Variants in IL13RA1 observed in about 807,000 individuals in gnomAD.
IL13RA1 encodes interleukin 13 receptor subunit alpha 1, also known as interleukin-13 receptor subunit alpha-1.
IL13RA1 carries 14 observed loss-of-function variants against 33.8 expected under a neutral mutation model. The ratio of observed to expected loss-of-function variants is 0.41; its 90% confidence interval spans 0.27 to 0.65. The LOEUF (loss-of-function observed/expected upper bound fraction) is 0.65. Among genes scored for constraint, IL13RA1 ranks in the 30% least tolerant of loss-of-function variants. The pLI is 0.28. For missense variants in IL13RA1, 313 were observed against 327.0 expected (o/e 0.96, Z 0.33); for synonymous variants, 116 against 115.7 (o/e 1.00, Z -0.02).
chrX:118,802,400 A>G, the IL13RA1 span, among the ~76,000 whole-genome samples: 1,340 of 112,437 alleles, frequency 0.012, 30 homozygotes, highest in African/African-American at 0.04. Context: ...TGTTAAAGCT[A>G]TGTGACATGG....
chrX:118,766,687 G>A, intron 7 of IL13RA1, 110 bp downstream of exon 7: 2 of 593,366 alleles, frequency 3.4e-6, no homozygotes, highest in Non-Finnish European at 5.5e-6. Flanking sequence ...TGTTCCGTGA[G>A]TTATTGACAA....
intron 8 of IL13RA1, chrX:118,770,602 C>T (rs779327969): frequency 2.1e-6 from 1 of 470,623 alleles, no homozygotes; most frequent in East Asian, 5.3e-5. Context: ...CGGGCACATC[C>T]GCCAGGGCAA....
chrX:118,782,219 C>T (rs752712480), intron 10 of IL13RA1, among the ~76,000 whole-genome samples: 21 of 111,403 alleles, frequency 1.9e-4, no homozygotes, highest in Non-Finnish European at 3.4e-4. Flanking sequence ...ACTATAGTCA[C>T]GTGCCACCAC....
chrX:118,801,012 A>G, the IL13RA1 span, among the ~76,000 whole-genome samples: 1 of 109,851 alleles, frequency 9.1e-6, no homozygotes, highest in Non-Finnish European at 1.9e-5. Context: ...CTGATGTTGA[A>G]CTCCTGGGCT....
At chrX:118,746,807 A>G in intron 2 of IL13RA1, 147 bp from the exon 3 acceptor site, 1 of 429,434 alleles carries the variant, frequency 2.3e-6, no homozygotes, top group Non-Finnish European at 4.1e-6. Context: ...GGTAGGGAGA[A>G]CAAAATCAGC....
At chrX:118,750,264 C>T (rs1056866918) in intron 4 of IL13RA1, among the ~76,000 whole-genome samples, 1 of 111,115 alleles carries the variant, frequency 9.0e-6, no homozygotes, top group African/African-American at 3.3e-5. Context: ...TCTCCTTGTA[C>T]ACCCCTCTCC....
At chrX:118,765,503 C>T (rs1021524286) in intron 6 of IL13RA1, among the ~76,000 whole-genome samples, 10 of 111,794 alleles carry the variant, frequency 8.9e-5, no homozygotes, top group African/African-American at 1.3e-4. Context: ...GTAGATGGCA[C>T]GTTCTCACTA....
intron 10 of IL13RA1, among the ~76,000 whole-genome samples, chrX:118,790,730 C>G (rs2017966276): frequency 8.9e-6 from 1 of 111,811 alleles, no homozygotes; most frequent in African/African-American, 3.2e-5. Flanking sequence ...ATATTTTGAG[C>G]AGTGTTTCCC....
chrX:118,754,562 G>A (rs972307229), intron 4 of IL13RA1, among the ~76,000 whole-genome samples: 8 of 109,552 alleles, frequency 7.3e-5, no homozygotes, highest in East Asian at 2.9e-4. Flanking sequence ...GTGTGAACCC[G>A]GGAGGCGGAG....
intron 1 of IL13RA1, 123 bp downstream of exon 1, chrX:118,727,849 T>A: frequency 3.7e-6 from 1 of 269,957 alleles, no homozygotes. Context: ...TGCTGGGGGC[T>A]GCCCTCGCGA....
In IL13RA1 at chrX:118,727,691, G is replaced by A; in HGVS notation, c.53G>A (p.Gly18Asp). Residue 18 changes from glycine (G) to aspartate (D), a missense_variant, in exon 1 of 11, where the codon GGC (glycine) becomes GAC (aspartate). Gly to Asp is a moderately conservative substitution (Grantham distance 94). Transcript: ENST00000371666. ...CGLWALLLCA[G>D]GGGGGGGAAP... is the part of the protein sequence containing the mutation. ...CTGTGGGCGCTGCTGCTCTGCGCCG[G>A]CGGCGGGGGCGGGGGCGGGGGCGCC... 2.2e-6 allele frequency: 2 copies of A among 908,985 alleles called. No individual in the cohort carries two copies. The highest frequency in any genetic ancestry group is 4.7e-4 in the Middle Eastern group (1 of 2,117). 74.9% of individuals were successfully genotyped at this position (908,985 alleles called of 1,213,427 possible). A position where few individuals can be genotyped will look rare whatever the true frequency, so the allele number is the denominator to read the frequency against.
downstream of IL13RA1, among the ~76,000 whole-genome samples, chrX:118,799,260 C>T (rs1340430138): frequency 3.5e-5 from 4 of 113,019 alleles, no homozygotes; most frequent in East Asian, 2.8e-4. Context: ...GGCTCCTGTG[C>T]GGCCCGAGCC....
intron 3 of IL13RA1, among the ~76,000 whole-genome samples, chrX:118,748,037 G>GTA (rs1363069263): frequency 4.0e-5 from 4 of 99,420 alleles, no homozygotes; most frequent in African/African-American, 1.1e-4. Flanking sequence ...GTGTGTGTGT[G>GTA]TACACACACA....
chrX:118,789,189 A>G (rs780956791), intron 10 of IL13RA1, among the ~76,000 whole-genome samples: 6 of 112,597 alleles, frequency 5.3e-5, no homozygotes, highest in Admixed American at 3.8e-4. Flanking sequence ...AGAGGTTAAA[A>G]TGAGGTAGAT....
At chrX:118,744,948 G>C (rs1311001848) in intron 2 of IL13RA1, among the ~76,000 whole-genome samples, 2 of 111,685 alleles carry the variant, frequency 1.8e-5, no homozygotes, top group South Asian at 7.5e-4. Context: ...TGGATCCTTG[G>C]ATAAGGGTGG....
chrX:118,803,370 T>C, the IL13RA1 span, among the ~76,000 whole-genome samples: 2 of 112,536 alleles, frequency 1.8e-5, no homozygotes, highest in Non-Finnish European at 3.8e-5. Flanking sequence ...ATTTCATTTA[T>C]ACTGCCACCC....
At chrX:118,784,121 A>ATATATACATATATATATATATATACG (rs1569459406) in intron 10 of IL13RA1, among the ~76,000 whole-genome samples, 2 of 23,548 alleles carry the variant, frequency 8.5e-5, no homozygotes, top group African/African-American at 3.4e-4. Flanking sequence ...GTATATATGT[A>ATATATACATATATATATATATATACG]TATATATGTA....
At chrX:118,753,002 A>G (rs763318492) in intron 4 of IL13RA1, among the ~76,000 whole-genome samples, 5 of 112,101 alleles carry the variant, frequency 4.5e-5, no homozygotes, top group African/African-American at 1.6e-4. Context: ...TTATTATGCT[A>G]TTAACCCCTC....
chrX:118,734,151 A>G (rs1052223134), intron 1 of IL13RA1, among the ~76,000 whole-genome samples: 1 of 112,254 alleles, frequency 8.9e-6, no homozygotes, highest in Admixed American at 9.4e-5. Context: ...CTGCAAAACT[A>G]TGCCATTAAG....
Sources: gnomAD v4.1 joint callset for allele counts (sites outside exome capture counted in the v4.1 genomes callset) on GRCh38, gnomAD v4.1.1 for gene constraint, MANE v1.5 for transcripts, NCBI Gene and HGNC (gene_info 2026-07-23, HGNC 2026-07-21) for gene names.